The following COL4A5 variants were observed in gnomAD, a reference collection of about 807,000 sequenced individuals.
The protein encoded by COL4A5 is collagen type IV alpha 5 chain.
COL4A5 carries 26 observed loss-of-function variants against 130.2 expected under a neutral mutation model. The ratio of observed to expected loss-of-function variants is 0.20; its 90% CI spans 0.15 to 0.28. The LOEUF (loss-of-function observed/expected upper bound fraction) is 0.28, where lower values mean the gene tolerates loss of function less well. COL4A5 is among the 10% of genes least tolerant of loss of function. COL4A5 has a pLI of 1.00. For synonymous variants in COL4A5, 496 were observed against 439.6 expected, an observed-to-expected ratio of 1.13 and a Z score of -1.60; for missense variants, 1,131 against 1,344.3, an observed-to-expected ratio of 0.84 and a Z score of 2.48.
In COL4A5 at chrX:108,456,958, C is replaced by T. The variant is rs150404416; in HGVS notation, c.81+16752C>T. Among the ~76,000 whole-genome samples the T allele has an allele frequency of 1.8e-4, 20 of 111,363 alleles. No homozygotes were observed. The East Asian group carries it at 5.7e-3, about 32-fold the overall frequency. On this transcript the variant is annotated intron_variant, in intron 1 of 52. Transcript: ENST00000328300. Reference sequence around the variant, plus strand: ...CTCACTTCCCAGTTACATTTTTCCCCATGGTAGATTGGACCAGCACAGGCT... The same window carrying T: ...CTCACTTCCCAGTTACATTTTTCCCTATGGTAGATTGGACCAGCACAGGCT...
intron 36 of COL4A5, among the ~76,000 whole-genome samples, chrX:108,637,973 A>G (rs2067387412): frequency 9.1e-6 from 1 of 109,506 alleles, no homozygotes; most frequent in Non-Finnish European, 1.9e-5. Flanking sequence ...TCAGCCTCCC[A>G]AATATTTTCC....
chrX:108,582,193 A>C, intron 16 of COL4A5, among the ~76,000 whole-genome samples: 1 of 111,798 alleles, frequency 8.9e-6, no homozygotes, highest in Middle Eastern at 4.6e-3. Flanking sequence ...GTTCAAAAAT[A>C]TTTTATATTA....
chrX:108,466,797 T>TCTTG (rs937031912), intron 1 of COL4A5, among the ~76,000 whole-genome samples: 6 of 108,840 alleles, frequency 5.5e-5, no homozygotes, highest in African/African-American at 1.7e-4. Context: ...AGAAATGGGG[T>TCTTG]CTTGCTATGT....
chrX:108,588,318 C>G (rs2066370915), intron 19 of COL4A5, among the ~76,000 whole-genome samples: 2 of 110,582 alleles, frequency 1.8e-5, no homozygotes, highest in Admixed American at 1.9e-4. Flanking sequence ...GTGATCTTTC[C>G]CAAGAGAAAG....
rs773798613 is a variant in COL4A5 at position 108,463,705 on chromosome X, C to A, written c.81+23499C>A. On this transcript the variant is annotated intron_variant, in intron 1 of 52. Coordinates refer to ENST00000328300, the MANE Select transcript of COL4A5 (RefSeq NM_033380.3). ...AAAGGTGTAACATGGGAGATATATT[C>A]CACTTCTCCACATTGTTAGCTTAGT... Among the ~76,000 whole-genome samples the A allele has an allele frequency of 1.3e-4, 14 of 111,494 alleles. No homozygotes were observed. The Admixed American group carries it at 1.3e-3, about 11-fold the overall frequency.
intron 1 of COL4A5, among the ~76,000 whole-genome samples, chrX:108,528,064 A>G (rs2065344917): frequency 8.9e-6 from 1 of 112,078 alleles, no homozygotes; most frequent in Non-Finnish European, 1.9e-5. Flanking sequence ...TGGAGGCCTA[A>G]GAATAGGCCC....
chrX:108,503,076 A>G (rs1433129428), intron 1 of COL4A5, among the ~76,000 whole-genome samples: 1 of 110,950 alleles, frequency 9.0e-6, no homozygotes, highest in African/African-American at 3.3e-5. Context: ...GCAGTTTAAC[A>G]TTTTTTTCTG....
chrX:108,573,698 C>A, intron 9 of COL4A5, 44 bp downstream of exon 9: 1 of 880,409 alleles, frequency 1.1e-6, no homozygotes, highest in Non-Finnish European at 1.7e-6. Context: ...TTGATTAAAC[C>A]AGAAGATTAC....
At chrX:108,586,400 T>C (rs996193356) in intron 18 of COL4A5, among the ~76,000 whole-genome samples, 3 of 111,372 alleles carry the variant, frequency 2.7e-5, no homozygotes, top group Non-Finnish European at 5.7e-5. Context: ...AAAATACTTT[T>C]AGTTTTATAT....
intron 2 of COL4A5, among the ~76,000 whole-genome samples, chrX:108,544,690 G>A (rs1377024343): frequency 2.7e-5 from 3 of 110,992 alleles, no homozygotes; most frequent in Non-Finnish European, 5.7e-5. Context: ...AATGGTAGCA[G>A]CTCCTCCTTG....
chrX:108,643,190 A>G (rs1055477936), intron 36 of COL4A5, among the ~76,000 whole-genome samples: 1 of 112,131 alleles, frequency 8.9e-6, no homozygotes, highest in African/African-American at 3.2e-5. Context: ...GAAAATATAA[A>G]CAAAGCCTCC....
intron 49 of COL4A5, among the ~76,000 whole-genome samples, chrX:108,688,445 T>G (rs758248320): frequency 5.5e-5 from 6 of 109,966 alleles, no homozygotes; most frequent in Non-Finnish European, 9.5e-5. Context: ...TTGTGTTGTT[T>G]TTTTTTTTGA....
At chrX:108,625,071 T>C (rs1355162814) in intron 34 of COL4A5, among the ~76,000 whole-genome samples, 1 of 111,340 alleles carries the variant, frequency 9.0e-6, no homozygotes, top group Non-Finnish European at 1.9e-5. Flanking sequence ...TTAGAAGTCA[T>C]TGTAAAGGAA....
At chrX:108,470,227 A>T (rs1384382303) in intron 1 of COL4A5, among the ~76,000 whole-genome samples, 1 of 112,589 alleles carries the variant, frequency 8.9e-6, no homozygotes, top group African/African-American at 3.2e-5. Context: ...ACTGCTTTTC[A>T]CAGTGGCTGA....
chrX:108,567,061 A>G (rs2065985911), intron 4 of COL4A5, among the ~76,000 whole-genome samples: 1 of 111,949 alleles, frequency 8.9e-6, no homozygotes, highest in African/African-American at 3.2e-5. Flanking sequence ...CCTATTTCCT[A>G]CAATATGCTT....
chrX:108,444,312 C>T (rs752878068), intron 1 of COL4A5, among the ~76,000 whole-genome samples: 70 of 109,042 alleles, frequency 6.4e-4, no homozygotes, highest in Non-Finnish European at 1.2e-3. Context: ...CTCTGCCTCC[C>T]GGGTTCACAC....
intron 52 of COL4A5, 114 bp from the exon 53 acceptor site, chrX:108,696,183 G>A (rs745389780): frequency 1.7e-6 from 1 of 605,992 alleles, no homozygotes; most frequent in South Asian, 2.3e-5. Flanking sequence ...AAACCATTAA[G>A]TCACCAAGAG....
At chrX:108,665,879 C>T (rs911858319) in intron 38 of COL4A5, among the ~76,000 whole-genome samples, 1 of 111,263 alleles carries the variant, frequency 9.0e-6, no homozygotes, top group African/African-American at 3.3e-5. Flanking sequence ...GGTGATACGC[C>T]ATTTCTATTA....
At chrX:108,510,992 A>G (rs770984435) in intron 1 of COL4A5, among the ~76,000 whole-genome samples, 4 of 111,584 alleles carry the variant, frequency 3.6e-5, no homozygotes, top group African/African-American at 6.5e-5. Context: ...TGAATATACA[A>G]TATCTTCCTT....
Sources: allele counts gnomAD v4.1 joint callset (sites outside exome capture counted in the v4.1 genomes callset), GRCh38; gene constraint gnomAD v4.1.1; transcripts MANE v1.5; gene names NCBI Gene and HGNC (gene_info 2026-07-23, HGNC 2026-07-21).